DTNA: variants seen among roughly 807,000 people sequenced by gnomAD.
The protein encoded by DTNA is dystrophin-related protein 3.
Under a neutral mutation model 100.7 loss-of-function variants are expected in DTNA, and 43 were observed. The observed-to-expected ratio is 0.43, with a 90% CI of 0.33 to 0.55. DTNA has a LOEUF of 0.55. Ranked by LOEUF, DTNA falls within the 20% of genes least tolerant of loss-of-function variation. The pLI is 0.04. For synonymous variants in DTNA, 349 were observed against 347.9 expected (o/e 1.00, Z -0.04); for missense variants, 798 against 953.9 (o/e 0.84, Z 2.15).
At chr18:34,738,968 A>G (rs1357902168) in intron 1 of DTNA, among the ~76,000 whole-genome samples, 1 of 152,146 alleles carries the variant, frequency 6.6e-6, no homozygotes, top group Admixed American at 6.5e-5. Context: ...CTACCTGAGT[A>G]TATTGTGTGA....
chr18:34,843,347 G>C (rs2096308045), intron 13 of DTNA, among the ~76,000 whole-genome samples: 1 of 152,058 alleles, frequency 6.6e-6, no homozygotes, highest in Admixed American at 6.6e-5. Context: ...TGATAATTGG[G>C]CAAGAATTTT....
intron 9 of DTNA, 150 bp downstream of exon 9, chr18:34,821,065 TTTG>T (rs759997868): frequency 2.1e-5 from 26 of 1,211,806 alleles, no homozygotes; most frequent in Middle Eastern, 1.9e-4. Context: ...ATCATAATTT[TTTG>T]TTGTTGTTGA....
intron 1 of DTNA, among the ~76,000 whole-genome samples, chr18:34,637,687 T>C (rs2148276422): frequency 1.3e-5 from 2 of 152,314 alleles, no homozygotes; most frequent in East Asian, 1.9e-4. Context: ...CAGACACAGT[T>C]CTTTCTCAGA....
intron 1 of DTNA, among the ~76,000 whole-genome samples, chr18:34,685,618 C>G (rs185727920): frequency 6.6e-6 from 1 of 152,174 alleles, no homozygotes; most frequent in South Asian, 2.1e-4. Context: ...CTTGGCTATA[C>G]AGGCTCTTTT....
At chr18:34,647,618 C>T (rs892374065) in intron 1 of DTNA, among the ~76,000 whole-genome samples, 3 of 152,178 alleles carry the variant, frequency 2.0e-5, no homozygotes, top group African/African-American at 7.2e-5. Context: ...ATGAGGAAGG[C>T]ACTCAGCTAT....
chr18:34,788,598 T>A (rs1299476338), intron 3 of DTNA, among the ~76,000 whole-genome samples: 1 of 152,226 alleles, frequency 6.6e-6, no homozygotes, highest in Non-Finnish European at 1.5e-5. Flanking sequence ...CCCAAGGTAG[T>A]CGCCAATGAA....
chr18:34,621,999 G>C lies in DTNA; in HGVS notation c.-2+128485G>C, dbSNP rs1369508481. ...AGAGAGTAGGAGAGTGGTTGCAAAGGGTGGGCAGAGGGGAGGAATTGGGAG... is the reference window on the plus strand; with the variant it reads ...AGAGAGTAGGAGAGTGGTTGCAAAGCGTGGGCAGAGGGGAGGAATTGGGAG... On this transcript the variant is annotated intron_variant, in intron 1 of 19. Transcript: ENST00000283365. Among the ~76,000 whole-genome samples the C allele has an allele frequency of 3.3e-5, 5 of 152,092 alleles. No individual in the cohort carries two copies. In the East Asian group the frequency reaches 9.6e-4, roughly 29 times the overall value.
chr18:34,612,512 A>G (rs556117640), intron 1 of DTNA, among the ~76,000 whole-genome samples: 1 of 152,312 alleles, frequency 6.6e-6, no homozygotes, highest in Admixed American at 6.5e-5. Flanking sequence ...CCCTCAGCGG[A>G]AGGGGCCCTG....
intron 3 of DTNA, among the ~76,000 whole-genome samples, chr18:34,776,539 C>T (rs1052134081): frequency 4.2e-4 from 64 of 152,280 alleles, no homozygotes; most frequent in Middle Eastern, 3.4e-3. Context: ...GATGGGGTTT[C>T]ACCACGTTAG....
chr18:34,596,570 C>G (rs1239099974), intron 1 of DTNA, among the ~76,000 whole-genome samples: 1 of 152,128 alleles, frequency 6.6e-6, no homozygotes, highest in Non-Finnish European at 1.5e-5. Flanking sequence ...GTAATACATA[C>G]AAATATCTTA....
chr18:34,502,713 C>T (rs2144648814), intron 1 of DTNA, among the ~76,000 whole-genome samples: 1 of 152,232 alleles, frequency 6.6e-6, no homozygotes, highest in Non-Finnish European at 1.5e-5. Flanking sequence ...CTGTTGTATT[C>T]AGAGAACACA....
intron 1 of DTNA, among the ~76,000 whole-genome samples, chr18:34,650,866 A>G (rs1228668357): frequency 6.6e-6 from 1 of 152,184 alleles, no homozygotes; most frequent in Non-Finnish European, 1.5e-5. Context: ...CTTCATGTAC[A>G]TTAGTAATTT....
intron 1 of DTNA, among the ~76,000 whole-genome samples, chr18:34,679,205 T>G (rs559393321): frequency 1.3e-5 from 2 of 152,332 alleles, no homozygotes; most frequent in Non-Finnish European, 2.9e-5. Context: ...AACCAGCTTT[T>G]AAATCTTGGA....
At chr18:34,495,986 C>T (rs2039150427) in intron 1 of DTNA, among the ~76,000 whole-genome samples, 1 of 151,984 alleles carries the variant, frequency 6.6e-6, no homozygotes, top group African/African-American at 2.4e-5. Flanking sequence ...TTAATTGCTT[C>T]TTCACATAAC....
intron 1 of DTNA, among the ~76,000 whole-genome samples, chr18:34,697,346 G>T (rs1173366151): frequency 6.6e-6 from 1 of 152,176 alleles, no homozygotes. Context: ...TGAGGTCACT[G>T]TGCTTCTTTC....
intron 4 of DTNA, among the ~76,000 whole-genome samples, chr18:34,796,115 C>T (rs2094957389): frequency 6.6e-6 from 1 of 152,212 alleles, no homozygotes; most frequent in South Asian, 2.1e-4. Context: ...ATAAACACAT[C>T]CACATAGACA....
intron 1 of DTNA, among the ~76,000 whole-genome samples, chr18:34,668,217 A>G (rs1599855323): frequency 1.3e-5 from 2 of 151,974 alleles, no homozygotes; most frequent in South Asian, 2.1e-4. Flanking sequence ...TTGCATAGAG[A>G]TGTTTATAGT....
chr18:34,571,664 G>T (rs186965414), intron 1 of DTNA, among the ~76,000 whole-genome samples: 1 of 152,290 alleles, frequency 6.6e-6, no homozygotes, highest in Non-Finnish European at 1.5e-5. Flanking sequence ...CTGCTTTGAT[G>T]TTAGCAAGAG....
At chr18:34,859,350 G>A (rs2096590062) in intron 16 of DTNA, among the ~76,000 whole-genome samples, 1 of 152,224 alleles carries the variant, frequency 6.6e-6, no homozygotes, top group Admixed American at 6.5e-5. Flanking sequence ...ACTCTACAGA[G>A]TAGGAGCCAG....
Sources: gnomAD v4.1 joint callset for allele counts (sites outside exome capture counted in the v4.1 genomes callset) on GRCh38, gnomAD v4.1.1 for gene constraint, MANE v1.5 for transcripts, NCBI Gene and HGNC (gene_info 2026-07-23, HGNC 2026-07-21) for gene names.